The following DCAF8L2 variants were observed in gnomAD, a reference collection of about 807,000 sequenced individuals.
DCAF8L2 encodes the protein DDB1 and CUL4 associated factor 8 like 2, also known as DDB1- and CUL4-associated factor 8-like protein 2.
For missense variants in DCAF8L2, 430 were observed against 490.7 expected (o/e 0.88, Z 1.17); for synonymous variants, 200 against 190.9 (o/e 1.05, Z -0.39).
At chrX:27,716,373 A>G (rs1173978837) in intron 4 of DCAF8L2, among the ~76,000 whole-genome samples, 3 of 112,636 alleles carry the variant, frequency 2.7e-5, no homozygotes, top group Non-Finnish European at 5.6e-5. Flanking sequence ...AAGTACTTGA[A>G]TATTAGTTTG....
At chrX:27,621,857 G>C (rs1227526494) in intron 1 of DCAF8L2, among the ~76,000 whole-genome samples, 1 of 109,900 alleles carries the variant, frequency 9.1e-6, no homozygotes, top group Admixed American at 9.8e-5. Context: ...AGCCAGATGC[G>C]GTGTCAGATG....
intron 3 of DCAF8L2, among the ~76,000 whole-genome samples, chrX:27,693,617 G>C (rs1051339976): frequency 4.6e-5 from 5 of 109,677 alleles, no homozygotes; most frequent in Non-Finnish European, 9.5e-5. Context: ...TTTTTTAATG[G>C]GGTCATTAAT....
chrX:27,675,518 T>C lies in DCAF8L2; in HGVS notation c.-219-2318T>C, dbSNP rs963395185. ...GTATTAATTTAGTAGAAGCTATGTA[T>C]TCAGTGTGCTAGTTGGTTAGCCGGT... On this transcript the variant is annotated intron_variant, in intron 2 of 4. Transcript: ENST00000451261. Among the ~76,000 whole-genome samples the C allele has an allele frequency of 4.4e-5, 5 of 112,462 alleles. No homozygotes were observed. In the East Asian group the frequency reaches 1.1e-3, roughly 25 times the overall value.
chrX:27,539,568 T>C, the DCAF8L2 span, among the ~76,000 whole-genome samples: 1 of 111,907 alleles, frequency 8.9e-6, no homozygotes, highest in African/African-American at 3.2e-5. Context: ...AAACTATATC[T>C]TTCTAACAAT....
chrX:27,686,800 G>A (rs1189455254), intron 3 of DCAF8L2, among the ~76,000 whole-genome samples: 1 of 112,097 alleles, frequency 8.9e-6, no homozygotes, highest in Non-Finnish European at 1.9e-5. Flanking sequence ...ACCAGAGAAC[G>A]GTTTTGTAGA....
At chrX:27,714,993 G>A (rs1285598315) in intron 3 of DCAF8L2, among the ~76,000 whole-genome samples, 2 of 111,422 alleles carry the variant, frequency 1.8e-5, no homozygotes, top group Non-Finnish European at 3.8e-5. Flanking sequence ...GTGTGTTGAG[G>A]ACTTAAAATG....
chrX:27,594,291 T>G (rs1295835196), intron 1 of DCAF8L2, among the ~76,000 whole-genome samples: 1 of 112,000 alleles, frequency 8.9e-6, no homozygotes, highest in African/African-American at 3.2e-5. Flanking sequence ...TCTAGCTCCA[T>G]AATTCAGCAT....
At chrX:27,553,123 C>A in the DCAF8L2 span, among the ~76,000 whole-genome samples, 2 of 111,755 alleles carry the variant, frequency 1.8e-5, no homozygotes, top group African/African-American at 6.5e-5. Flanking sequence ...TTATGTCCTG[C>A]AACTTTACTG....
rs1163117597 is a variant in DCAF8L2 at position 27,747,127 on chromosome X, G to T, written c.232G>T (p.Ala78Ser). 3 of 1,167,812 alleles carry T rather than the reference G, an allele frequency of 2.6e-6. No individual in the cohort carries two copies. In the East Asian group the frequency reaches 9.8e-5, roughly 38 times the overall value. Residue 78 changes from alanine to serine, a missense_variant, in exon 5 of 5, where the codon GCA becomes TCA. By Grantham distance (99) the Ala-to-Ser change is moderately conservative. Transcript: ENST00000451261. ...AAATCGAAGCTCAGACCAAGAAAGC[G>T]CAAGTGAAGACATCGAACTTGAGAG... ...TENRSSDQES[A>S]SEDIELESLE... is the part of the protein sequence containing the mutation.
At chrX:27,661,879 T>C (rs948963384) in intron 2 of DCAF8L2, among the ~76,000 whole-genome samples, 6 of 111,655 alleles carry the variant, frequency 5.4e-5, no homozygotes, top group African/African-American at 1.9e-4. Flanking sequence ...TTTGAGTAAA[T>C]AACCACTTCC....
At chrX:27,735,872 A>C (rs2031802069) in intron 4 of DCAF8L2, among the ~76,000 whole-genome samples, 1 of 111,798 alleles carries the variant, frequency 8.9e-6, no homozygotes, top group African/African-American at 3.3e-5. Flanking sequence ...GCCAGCAAAA[A>C]TCCAAGAATT....
chrX:27,601,126 C>T (rs1037633321), intron 1 of DCAF8L2, among the ~76,000 whole-genome samples: 3 of 110,625 alleles, frequency 2.7e-5, no homozygotes, highest in Non-Finnish European at 5.7e-5. Flanking sequence ...TTTGTAGGGT[C>T]GGGGTTTCAC....
intron 2 of DCAF8L2, among the ~76,000 whole-genome samples, chrX:27,662,867 C>T (rs764899630): frequency 1.9e-4 from 21 of 111,398 alleles, no homozygotes; most frequent in African/African-American, 6.2e-4. Flanking sequence ...ATCTGATGCA[C>T]AGAAGTTCAG....
chrX:27,521,227 C>T, the DCAF8L2 span, among the ~76,000 whole-genome samples: 1 of 111,963 alleles, frequency 8.9e-6, no homozygotes, highest in Non-Finnish European at 1.9e-5. Flanking sequence ...GCCTTATTTC[C>T]AAGTTTCAAA....
At chrX:27,640,327 G>C (rs1329508167) in intron 2 of DCAF8L2, among the ~76,000 whole-genome samples, 1 of 112,396 alleles carries the variant, frequency 8.9e-6, no homozygotes, top group Non-Finnish European at 1.9e-5. Flanking sequence ...CTCTTCCAGA[G>C]TGTTATATAA....
chrX:27,481,464 A>C, the DCAF8L2 span, among the ~76,000 whole-genome samples: 1 of 111,599 alleles, frequency 9.0e-6, no homozygotes, highest in African/African-American at 3.3e-5. Context: ...GATTTTGAGC[A>C]ATGTTCAGAT....
At position 27,748,375 on chromosome X, in the gene DCAF8L2, A is replaced by G; in HGVS notation, c.1480A>G (p.Ile494Val). 8.3e-7 allele frequency: 1 copy of G among 1,204,532 alleles called. No homozygotes were observed. The highest frequency in any genetic ancestry group is 2.3e-4 in the Middle Eastern group (1 of 4,346). ...AGTGAGCGGTAGTGATTGCGGGCAC[A>G]TCTTCTTCTGGGAGAAATCATCCTG... ...FVVSGSDCGH[I>V]FFWEKSSCQI... The change falls in exon 5 of 5, where the codon ATC (isoleucine) becomes GTC (valine). Residue 494 changes from isoleucine (I) to valine (V), a missense_variant. Transcript: ENST00000451261.
chrX:27,669,048 G>C (rs1168574073), intron 2 of DCAF8L2, among the ~76,000 whole-genome samples: 1 of 110,941 alleles, frequency 9.0e-6, no homozygotes, highest in Admixed American at 9.6e-5. Flanking sequence ...AGATAGTAAA[G>C]AGGGCCCAAT....
At chrX:27,555,739 T>G in the DCAF8L2 span, among the ~76,000 whole-genome samples, 2 of 111,887 alleles carry the variant, frequency 1.8e-5, no homozygotes, top group African/African-American at 6.5e-5. Flanking sequence ...CTTCTATTGA[T>G]TCCAGCTGCT....
Sources: allele counts gnomAD v4.1 joint callset (sites outside exome capture counted in the v4.1 genomes callset), GRCh38; gene constraint gnomAD v4.1.1; transcripts MANE v1.5; gene names NCBI Gene and HGNC (gene_info 2026-07-23, HGNC 2026-07-21).